DLGAP1: variants seen among roughly 807,000 people sequenced by gnomAD.
The protein encoded by DLGAP1 is DLG associated protein 1.
In DLGAP1, 11 loss-of-function variants were observed where a neutral mutation model predicts 90.8. The observed-to-expected ratio is 0.12, with a 90% confidence interval of 0.08 to 0.20. The LOEUF (loss-of-function observed/expected upper bound fraction) is 0.20. DLGAP1 is among the 10% of genes least tolerant of loss of function. The probability of loss-of-function intolerance (pLI) is 1.00; values close to 1 mark genes in which losing one functional copy is unlikely to be tolerated. For synonymous variants in DLGAP1, 558 were observed against 540.7 expected (o/e 1.03, Z -0.44); for missense variants, 1,050 against 1,333.8 (o/e 0.79, Z 3.31).
intron 1 of DLGAP1, among the ~76,000 whole-genome samples, chr18:4,308,198 C>G (rs1018608147): frequency 1.3e-5 from 2 of 152,160 alleles, no homozygotes; most frequent in Non-Finnish European, 2.9e-5. Context: ...CTGGGTGACC[C>G]AAAGACTCTC....
At chr18:4,221,207 C>T (rs1487757821) in intron 1 of DLGAP1, among the ~76,000 whole-genome samples, 10 of 152,074 alleles carry the variant, frequency 6.6e-5, no homozygotes, top group East Asian at 1.9e-4. Flanking sequence ...AGCAACCATC[C>T]GCTCTTATTC....
At chr18:3,881,971 C>G (rs1599099571) in intron 3 of DLGAP1, among the ~76,000 whole-genome samples, 1 of 152,306 alleles carries the variant, frequency 6.6e-6, no homozygotes, top group African/African-American at 2.4e-5. Flanking sequence ...CACCTCGTAT[C>G]TTTAGGATAT....
intron 3 of DLGAP1, among the ~76,000 whole-genome samples, chr18:3,911,948 G>C (rs957315382): frequency 6.6e-6 from 1 of 152,210 alleles, no homozygotes; most frequent in Non-Finnish European, 1.5e-5. Flanking sequence ...CACAGCAGCA[G>C]CATCACTTGG....
chr18:4,433,221 T>A (rs1441945864), intron 1 of DLGAP1, among the ~76,000 whole-genome samples: 1 of 152,218 alleles, frequency 6.6e-6, no homozygotes, highest in African/African-American at 2.4e-5. Flanking sequence ...TAACTGGGGC[T>A]AAGTCATTTA....
intron 1 of DLGAP1, among the ~76,000 whole-genome samples, chr18:4,306,051 C>T (rs1247477991): frequency 2.8e-4 from 42 of 150,432 alleles, no homozygotes; most frequent in Admixed American, 2.1e-3. Context: ...CACACACACA[C>T]ACACACACAC....
intron 1 of DLGAP1, among the ~76,000 whole-genome samples, chr18:4,360,870 C>T (rs1272267870): frequency 6.6e-6 from 1 of 152,080 alleles, no homozygotes; most frequent in Non-Finnish European, 1.5e-5. Context: ...ATCTCAGCTA[C>T]TCAGGAGGCC....
chr18:3,794,474 G>A (rs1292519790), intron 5 of DLGAP1, among the ~76,000 whole-genome samples: 1 of 152,182 alleles, frequency 6.6e-6, no homozygotes, highest in Non-Finnish European at 1.5e-5. Flanking sequence ...CTATAGCAAT[G>A]GGGAATGGCA....
At chr18:3,520,473 A>G (rs190730214) in intron 10 of DLGAP1, among the ~76,000 whole-genome samples, 15 of 152,320 alleles carry the variant, frequency 9.8e-5, no homozygotes, top group Admixed American at 3.3e-4. Context: ...GTACCTCAGA[A>G]TGTGACTCTG....
chr18:3,845,425 T>C (rs1389655845), intron 4 of DLGAP1: 16 of 1,356,552 alleles, frequency 1.2e-5, no homozygotes, highest in Non-Finnish European at 1.5e-5. Context: ...GGCTCACAAC[T>C]CAAGATTTGC....
chr18:3,976,118 G>T (rs538819796), intron 3 of DLGAP1, among the ~76,000 whole-genome samples: 4 of 151,544 alleles, frequency 2.6e-5, no homozygotes, highest in African/African-American at 9.7e-5. Flanking sequence ...AGGCTGAGGT[G>T]GTTGGATCAC....
At chr18:3,511,504 T>C (rs1371732302) in intron 10 of DLGAP1, among the ~76,000 whole-genome samples, 2 of 151,832 alleles carry the variant, frequency 1.3e-5, no homozygotes, top group African/African-American at 4.8e-5. Flanking sequence ...AAGAAGCATC[T>C]CGATGTTGTT....
At chr18:3,998,416 C>A (rs570500228) in intron 3 of DLGAP1, among the ~76,000 whole-genome samples, 4 of 152,214 alleles carry the variant, frequency 2.6e-5, no homozygotes, top group African/African-American at 9.6e-5. Flanking sequence ...AACTTAATTG[C>A]AGAGTTCTGA....
At chr18:3,581,483 G>A (rs533921061) in intron 8 of DLGAP1, among the ~76,000 whole-genome samples, 2 of 152,042 alleles carry the variant, frequency 1.3e-5, no homozygotes, top group African/African-American at 2.4e-5. Context: ...CTGTGGGTGG[G>A]TCTTTGTTCT....
intron 7 of DLGAP1, among the ~76,000 whole-genome samples, chr18:3,671,184 CTTT>C (rs11311056): frequency 1.1e-3 from 156 of 143,478 alleles, no homozygotes; most frequent in African/African-American, 2.4e-3. Flanking sequence ...CTCTTTGCTG[CTTT>C]TTTTTTTTTT....
At chr18:3,656,725 C>T (rs2146528641) in intron 7 of DLGAP1, among the ~76,000 whole-genome samples, 1 of 151,844 alleles carries the variant, frequency 6.6e-6, no homozygotes, top group East Asian at 1.9e-4. Context: ...ATTTATGCAC[C>T]TTTGCAGTGA....
At chr18:4,257,295 TGGA>T (rs1218546639) in intron 1 of DLGAP1, among the ~76,000 whole-genome samples, 1 of 152,158 alleles carries the variant, frequency 6.6e-6, no homozygotes, top group African/African-American at 2.4e-5. Context: ...ATTTAGAGGC[TGGA>T]GGAGGGCACT....
chr18:3,853,560 A>G (rs1005018030), intron 4 of DLGAP1, among the ~76,000 whole-genome samples: 2 of 151,564 alleles, frequency 1.3e-5, no homozygotes, highest in Non-Finnish European at 2.9e-5. Flanking sequence ...AGGCTCTACT[A>G]TCTAGGATGT....
intron 2 of DLGAP1, among the ~76,000 whole-genome samples, chr18:4,132,133 C>A (rs1449153390): frequency 1.3e-5 from 2 of 151,964 alleles, no homozygotes; most frequent in African/African-American, 4.8e-5. Flanking sequence ...CAATTGGTTT[C>A]TTTTAATTGA....
At chr18:4,394,212 C>T (rs1365651505) in intron 1 of DLGAP1, among the ~76,000 whole-genome samples, 1 of 152,136 alleles carries the variant, frequency 6.6e-6, no homozygotes, top group Non-Finnish European at 1.5e-5. Flanking sequence ...CTATGAGTTC[C>T]ATGAGCCTTG....
Sources: gnomAD v4.1 joint callset for allele counts (sites outside exome capture counted in the v4.1 genomes callset) on GRCh38, gnomAD v4.1.1 for gene constraint, MANE v1.5 for transcripts, NCBI Gene and HGNC (gene_info 2026-07-23, HGNC 2026-07-21) for gene names.